RBMS3: variants seen among roughly 807,000 people sequenced by gnomAD.
The protein encoded by RBMS3 is RNA binding motif single stranded interacting protein 3, also known as RNA-binding motif, single-stranded-interacting protein 3.
Under a neutral mutation model 66.8 loss-of-function variants are expected in RBMS3, and 27 were observed. That is an observed-to-expected ratio of 0.40 (90% confidence interval 0.30 to 0.56). The LOEUF is 0.56. Among genes scored for constraint, RBMS3 ranks in the 20% least tolerant of loss-of-function variants. The pLI is 0.40. For missense variants in RBMS3, 513 were observed against 549.5 expected, an observed-to-expected ratio of 0.93 and a Z score of 0.66; for synonymous variants, 188 against 183.0, an observed-to-expected ratio of 1.03 and a Z score of -0.22.
chr3:29,594,154 T>C (rs1033719761), intron 4 of RBMS3, among the ~76,000 whole-genome samples: 1 of 152,194 alleles, frequency 6.6e-6, no homozygotes, highest in Admixed American at 6.5e-5. Context: ...TTTATTATTG[T>C]CTATATCCTG....
intron 11 of RBMS3, among the ~76,000 whole-genome samples, chr3:29,941,693 C>T (rs2061397803): frequency 6.6e-6 from 1 of 151,436 alleles, no homozygotes; most frequent in South Asian, 2.1e-4. Context: ...AAATTACCGA[C>T]ATAGTAAAAA....
intron 4 of RBMS3, among the ~76,000 whole-genome samples, chr3:29,609,964 T>A (rs1197055829): frequency 6.6e-6 from 1 of 152,096 alleles, no homozygotes; most frequent in Non-Finnish European, 1.5e-5. Flanking sequence ...TTCTGTTCAT[T>A]TGACCTAATC....
intron 2 of RBMS3, among the ~76,000 whole-genome samples, chr3:29,480,107 G>A (rs992439452): frequency 6.6e-6 from 1 of 152,216 alleles, no homozygotes; most frequent in African/African-American, 2.4e-5. Flanking sequence ...ATTCAGGACT[G>A]AGGATTGAGG....
chr3:29,739,988 AAATT>A (rs1190174030), intron 5 of RBMS3, 111 bp downstream of exon 5: 62 of 937,322 alleles, frequency 6.6e-5, no homozygotes, highest in Admixed American at 2.3e-4. Context: ...AAAAAAAAAA[AAATT>A]AAAAGTAGCT....
chr3:29,725,887 C>G (rs913772096), intron 4 of RBMS3, among the ~76,000 whole-genome samples: 5 of 152,100 alleles, frequency 3.3e-5, no homozygotes, highest in African/African-American at 1.2e-4. Flanking sequence ...GATAACAAAA[C>G]CTGGCAGAGA....
chr3:29,302,135 G>A (rs1463437266), intron 1 of RBMS3, among the ~76,000 whole-genome samples: 4 of 151,770 alleles, frequency 2.6e-5, no homozygotes, highest in Non-Finnish European at 2.9e-5. Context: ...TCAACCTCCC[G>A]AATAGCTGGG....
intron 1 of RBMS3, among the ~76,000 whole-genome samples, chr3:29,306,656 C>A (rs1418285807): frequency 6.6e-6 from 1 of 151,824 alleles, no homozygotes; most frequent in Non-Finnish European, 1.5e-5. Flanking sequence ...ATGTCATATC[C>A]ATATACATAA....
chr3:29,746,795 T>G (rs185089291), intron 5 of RBMS3, among the ~76,000 whole-genome samples: 1 of 152,368 alleles, frequency 6.6e-6, no homozygotes, highest in East Asian at 1.9e-4. Flanking sequence ...GCAGTCTTGT[T>G]GTATATATGC....
At chr3:29,739,623 T>C in intron 4 of RBMS3, 97 bp from the exon 5 acceptor site, 1 of 1,143,694 alleles carries the variant, frequency 8.7e-7, no homozygotes, top group Non-Finnish European at 1.2e-6. Context: ...ATTTTGGAGA[T>C]TATTATCTAG....
At chr3:29,782,063 T>TCGAAGA (rs958732040) in intron 6 of RBMS3, among the ~76,000 whole-genome samples, 6 of 151,194 alleles carry the variant, frequency 4.0e-5, no homozygotes, top group Non-Finnish European at 7.4e-5. Context: ...ACCCTCGGAG[T>TCGAAGA]CGAAGACAAA....
At chr3:29,950,921 T>A (rs1396049569) in intron 12 of RBMS3, among the ~76,000 whole-genome samples, 1 of 151,894 alleles carries the variant, frequency 6.6e-6, no homozygotes, top group East Asian at 1.9e-4. Flanking sequence ...ATGAATATAC[T>A]TATTTTTAAC....
intron 4 of RBMS3, among the ~76,000 whole-genome samples, chr3:29,665,026 T>C (rs1171968509): frequency 2.6e-5 from 4 of 152,158 alleles, no homozygotes; most frequent in Non-Finnish European, 5.9e-5. Flanking sequence ...TGAAGAATAA[T>C]GTTTAGTGAA....
At chr3:29,540,168 C>T (rs947834369) in intron 3 of RBMS3, among the ~76,000 whole-genome samples, 5 of 152,192 alleles carry the variant, frequency 3.3e-5, no homozygotes, top group Admixed American at 6.5e-5. Flanking sequence ...GGCCATACTT[C>T]CTAGTACACA....
intron 6 of RBMS3, among the ~76,000 whole-genome samples, chr3:29,867,245 G>T (rs1317415180): frequency 6.6e-6 from 1 of 151,852 alleles, no homozygotes; most frequent in African/African-American, 2.4e-5. Flanking sequence ...ATCTAGCTGG[G>T]GTGGGAATGG....
At chr3:29,433,258 G>A (rs1357501067) in intron 1 of RBMS3, among the ~76,000 whole-genome samples, 2 of 152,006 alleles carry the variant, frequency 1.3e-5, no homozygotes, top group African/African-American at 2.4e-5. Flanking sequence ...TGCCAAAAAT[G>A]TGCTGTTTGA....
At chr3:29,452,038 G>A (rs1437300390) in intron 2 of RBMS3, among the ~76,000 whole-genome samples, 1 of 152,166 alleles carries the variant, frequency 6.6e-6, no homozygotes, top group Admixed American at 6.5e-5. Flanking sequence ...TGGACTTTCA[G>A]AGCAGTTGTT....
chr3:29,825,056 T>G (rs1471141648), intron 6 of RBMS3, among the ~76,000 whole-genome samples: 1 of 148,734 alleles, frequency 6.7e-6, no homozygotes, highest in Non-Finnish European at 1.5e-5. Flanking sequence ...TTTTTTTTTT[T>G]GACAGTTTCG....
chr3:29,500,297 A>G (rs906424562), intron 3 of RBMS3, among the ~76,000 whole-genome samples: 1 of 151,448 alleles, frequency 6.6e-6, no homozygotes, highest in African/African-American at 2.4e-5. Context: ...AATTGAGAAT[A>G]TGACAAGAGG....
intron 4 of RBMS3, among the ~76,000 whole-genome samples, chr3:29,668,149 G>C (rs747668499): frequency 6.6e-6 from 1 of 152,184 alleles, no homozygotes; most frequent in Non-Finnish European, 1.5e-5. Flanking sequence ...TTCAGACTAA[G>C]AGCCTTTAAT....
Sources: gnomAD v4.1 joint callset for allele counts (sites outside exome capture counted in the v4.1 genomes callset) on GRCh38, gnomAD v4.1.1 for gene constraint, MANE v1.5 for transcripts, NCBI Gene and HGNC (gene_info 2026-07-23, HGNC 2026-07-21) for gene names.